Variants in RBMS2 observed in about 807,000 individuals in gnomAD.
RBMS2 encodes the protein RNA-binding motif, single-stranded-interacting protein 2.
In RBMS2, 38 loss-of-function variants were observed where a neutral mutation model predicts 58.4. The ratio of observed to expected loss-of-function variants is 0.65; its 90% confidence interval spans 0.50 to 0.85. RBMS2 has a LOEUF of 0.85. Ranked by LOEUF, RBMS2 falls within the 40% of genes least tolerant of loss-of-function variation. The pLI, the probability that RBMS2 is intolerant of heterozygous loss-of-function variation, is 0.00. For missense variants in RBMS2, 367 were observed against 503.7 expected (o/e 0.73, Z 2.60); for synonymous variants, 151 against 180.7 (o/e 0.84, Z 1.32).
intron 5 of RBMS2, chr12:56,580,311 C>G (rs1883764079): frequency 2.4e-6 from 1 of 417,530 alleles, no homozygotes; most frequent in Non-Finnish European, 4.7e-6. Flanking sequence ...CGACTCACTA[C>G]AACCTCTGCC....
intron 5 of RBMS2, among the ~76,000 whole-genome samples, chr12:56,575,913 A>G (rs531102446): frequency 6.6e-6 from 1 of 151,720 alleles, no homozygotes; most frequent in South Asian, 2.1e-4. Flanking sequence ...AAAAAAAAAT[A>G]GAGTGGTCCC....
At chr12:56,539,172 C>T (rs1489348400) in intron 1 of RBMS2, among the ~76,000 whole-genome samples, 4 of 151,972 alleles carry the variant, frequency 2.6e-5, no homozygotes, top group Non-Finnish European at 5.9e-5. Flanking sequence ...CACACCACCA[C>T]GCCCAGCTAA....
At chr12:56,580,324 C>A (rs947267624) in intron 5 of RBMS2, 1 of 411,886 alleles carries the variant, frequency 2.4e-6, no homozygotes, top group Admixed American at 2.8e-5. Context: ...CCTCTGCCTC[C>A]CAGGTTCAAG....
intron 1 of RBMS2, among the ~76,000 whole-genome samples, chr12:56,546,499 AT>A (rs535227725): frequency 6.7e-6 from 1 of 150,098 alleles, no homozygotes; most frequent in African/African-American, 2.4e-5. Flanking sequence ...AAAAAATATA[AT>A]TTTTTTGTAT....
Position 56,594,443 on chromosome 12 carries a change from A to C in RBMS2, c.*5310A>C, listed in dbSNP as rs1885552109. ...CAGAGACGAGGGTGGGTGTTATAAA[A>C]GCCAGTCTGTAAAGGGTAAATTCCA... is the stretch of plus-strand genomic sequence containing the variant. On this transcript the variant is annotated 3_prime_UTR_variant, in exon 14 of 14. Transcript: ENST00000262031. 6.6e-6 allele frequency: 1 copy of C among 152,240 alleles called. No individual in the cohort carries two copies. Among genetic ancestry groups the C allele is most frequent in the African/African-American group, 2.4e-5 (1 of 41,462 alleles). The allele number at this position is 152,240 out of a possible 1,614,324, so 9.4% of individuals were successfully genotyped here. A position where few individuals can be genotyped will look rare whatever the true frequency, so the allele number is the denominator to read the frequency against.
intron 7 of RBMS2, 39 bp from the exon 8 acceptor site, chr12:56,581,794 A>G: frequency 6.2e-7 from 1 of 1,610,910 alleles, no homozygotes; most frequent in Non-Finnish European, 8.5e-7. Flanking sequence ...ATTCTCACTC[A>G]AGGGCTCACA....
chr12:56,560,000 T>C (rs1449068403), intron 1 of RBMS2, among the ~76,000 whole-genome samples: 3 of 151,386 alleles, frequency 2.0e-5, no homozygotes, highest in Admixed American at 6.6e-5. Flanking sequence ...GTTCAAGCAT[T>C]TCTCCTGTGT....
chr12:56,525,302 A>T, intron 1 of RBMS2, among the ~76,000 whole-genome samples: 1 of 151,852 alleles, frequency 6.6e-6, no homozygotes, highest in East Asian at 1.9e-4. Context: ...GCTCCCTGCA[A>T]CCTCAGTCTC....
At chr12:56,561,203 G>A (rs1251702092) in intron 1 of RBMS2, among the ~76,000 whole-genome samples, 1 of 152,096 alleles carries the variant, frequency 6.6e-6, no homozygotes, top group African/African-American at 2.4e-5. Flanking sequence ...CTTTGCTATT[G>A]TGAATAGTGC....
chr12:56,571,534 A>G (rs1882292716), intron 4 of RBMS2, among the ~76,000 whole-genome samples, 164 bp from the exon 5 acceptor site: 1 of 152,178 alleles, frequency 6.6e-6, no homozygotes, highest in South Asian at 2.1e-4. Context: ...GGAACTCAAT[A>G]TACAACCCGT....
intron 1 of RBMS2, among the ~76,000 whole-genome samples, chr12:56,529,790 G>A (rs1484249776): frequency 6.6e-6 from 1 of 152,170 alleles, no homozygotes; most frequent in Non-Finnish European, 1.5e-5. Context: ...TGGTTGCCTA[G>A]GGCTTAGTGG....
upstream of RBMS2, among the ~76,000 whole-genome samples, chr12:56,521,038 A>G (rs895836320): frequency 6.6e-5 from 10 of 152,316 alleles, no homozygotes; most frequent in South Asian, 1.9e-3. Flanking sequence ...CCCAAGAGAA[A>G]CACATCTAAG....
At chr12:56,566,021 C>T (rs530290969) in intron 2 of RBMS2, among the ~76,000 whole-genome samples, 7 of 152,290 alleles carry the variant, frequency 4.6e-5, no homozygotes, top group African/African-American at 1.4e-4. Context: ...TCAGACTTCT[C>T]ATGAGTCCCT....
intron 7 of RBMS2, 98 bp downstream of exon 7, chr12:56,581,606 G>A (rs1269122316): frequency 7.6e-6 from 10 of 1,313,866 alleles, no homozygotes; most frequent in Non-Finnish European, 9.7e-6. Context: ...GAAAGCTTGA[G>A]AGCTACAGTA....
chr12:56,542,489 G>A (rs977440308), intron 1 of RBMS2, among the ~76,000 whole-genome samples: 2 of 150,554 alleles, frequency 1.3e-5, no homozygotes, highest in Non-Finnish European at 3.0e-5. Context: ...TTAAAAATGG[G>A]GCTTATAGTT....
intron 5 of RBMS2, among the ~76,000 whole-genome samples, chr12:56,579,131 C>T (rs562532565): frequency 2.0e-5 from 3 of 152,264 alleles, no homozygotes; most frequent in Non-Finnish European, 4.4e-5. Flanking sequence ...GAGGGGACTT[C>T]AGCCTTGATC....
chr12:56,593,330 A>G lies in RBMS2; in HGVS notation c.*4197A>G, dbSNP rs1254620390. 2 of 151,556 alleles carry G rather than the reference A, an allele frequency of 1.3e-5. No individual in the cohort carries two copies. The highest frequency in any genetic ancestry group is 2.4e-5 in the African/African-American group (1 of 41,204). 9.4% of individuals were successfully genotyped at this position (151,556 alleles called of 1,614,324 possible). ...GCCACCATGCCTGGCTAATTTTTTTATTTTTAGTAGAGATGGGGTTTTACC... is the reference window on the plus strand; with the variant it reads ...GCCACCATGCCTGGCTAATTTTTTTGTTTTTAGTAGAGATGGGGTTTTACC... On this transcript the variant is annotated 3_prime_UTR_variant, in exon 14 of 14. Transcript: ENST00000262031.
intron 5 of RBMS2, among the ~76,000 whole-genome samples, chr12:56,580,057 G>A (rs1396506104): frequency 1.3e-5 from 2 of 151,726 alleles, no homozygotes; most frequent in African/African-American, 4.8e-5. Flanking sequence ...AGCCTCCCGA[G>A]TAGCTGGGAC....
rs2136474101 is a variant in RBMS2 at position 56,570,850 on chromosome 12, T to A, written c.385-848T>A. ...CCTCAGCCTTCCAAAGTGCTGGGATTACAGGCATGAGCCACCACGCCTGGC... is the reference window on the plus strand; with the variant it reads ...CCTCAGCCTTCCAAAGTGCTGGGATAACAGGCATGAGCCACCACGCCTGGC... On this transcript the variant is annotated intron_variant, in intron 4 of 13. Coordinates refer to ENST00000262031, the MANE Select transcript of RBMS2 (RefSeq NM_002898.4). Among the ~76,000 whole-genome samples the A allele has an allele frequency of 1.3e-5, 2 of 152,344 alleles. 1 individual carries two copies. Among genetic ancestry groups the A allele is most frequent in the African/African-American group, 4.8e-5 (2 of 41,590 alleles).
Sources: allele counts gnomAD v4.1 joint callset (sites outside exome capture counted in the v4.1 genomes callset), GRCh38; gene constraint gnomAD v4.1.1; transcripts MANE v1.5; gene names NCBI Gene and HGNC (gene_info 2026-07-23, HGNC 2026-07-21).